The following AGPAT3 variants were observed in gnomAD, a reference collection of about 807,000 sequenced individuals.
AGPAT3 encodes the protein 1-acylglycerol-3-phosphate O-acyltransferase 3.
A neutral mutation model predicts 47.3 loss-of-function variants in AGPAT3; 5 were observed. The observed-to-expected ratio is 0.11, with a 90% CI of 0.06 to 0.22. The LOEUF (loss-of-function observed/expected upper bound fraction) is 0.22. Among genes scored for constraint, AGPAT3 ranks in the 10% least tolerant of loss-of-function variants. AGPAT3 has a pLI of 1.00. For missense variants in AGPAT3, 315 were observed against 493.0 expected (o/e 0.64, Z 3.42); for synonymous variants, 212 against 208.3 (o/e 1.02, Z -0.15).
At chr21:43,902,112 C>T (rs1044802173) in intron 1 of AGPAT3, among the ~76,000 whole-genome samples, 6 of 152,186 alleles carry the variant, frequency 3.9e-5, no homozygotes, top group African/African-American at 1.4e-4. Flanking sequence ...CCCCAATACA[C>T]ACCATCATCC....
intron 2 of AGPAT3, among the ~76,000 whole-genome samples, chr21:43,944,331 C>T (rs2087787408): frequency 6.6e-6 from 1 of 152,346 alleles, no homozygotes; most frequent in East Asian, 1.9e-4. Flanking sequence ...GGCCACACGT[C>T]CCTCCCCCGT....
chr21:43,967,204 A>T (rs554405805), intron 3 of AGPAT3: 20 of 152,396 alleles, frequency 1.3e-4, no homozygotes, highest in Admixed American at 5.2e-4. Flanking sequence ...TCAGCTCACC[A>T]GGCCGGAGCC....
chr21:43,885,391 C>CT lies in AGPAT3; in HGVS notation c.-111-18551dup, dbSNP rs113393341. 9.7e-3 allele frequency among the ~76,000 whole-genome samples: 1,350 copies of CT among 139,708 alleles called. 17 individuals carry two copies. The highest frequency in any genetic ancestry group is 0.027 in the African/African-American group (994 of 37,006). 91.7% of individuals were successfully genotyped at this position (139,708 alleles called of 152,430 possible). On this transcript the variant is annotated intron_variant, in intron 1 of 9. Transcript: ENST00000291572. ...TTATGATTGCCAGTTTTTCTTTTTT[C>CT]TTTTTTTTTTTTTTTGAGACAGAGT...
intron 2 of AGPAT3, chr21:43,919,798 A>C (rs2086846438): frequency 6.6e-6 from 1 of 152,208 alleles, no homozygotes; most frequent in Admixed American, 6.5e-5. Flanking sequence ...GCCAGCCAAA[A>C]ATGTGGAATG....
chr21:43,944,968 A>G lies in AGPAT3; in HGVS notation c.-48-14666A>G, dbSNP rs149041805. Among the ~76,000 whole-genome samples the G allele has an allele frequency of 2.0e-5, 3 of 152,320 alleles. No homozygotes were observed. The East Asian group carries it at 5.8e-4, about 29-fold the overall frequency. ...ATCACTGACTCAGCTCCGGCAGGCAAGGGTCCCTCGGGGTCTACCACTGGG... is the reference window on the plus strand; with the variant it reads ...ATCACTGACTCAGCTCCGGCAGGCAGGGGTCCCTCGGGGTCTACCACTGGG... On this transcript the variant is annotated intron_variant, in intron 2 of 9. Coordinates refer to ENST00000291572, the MANE Select transcript of AGPAT3 (RefSeq NM_020132.5).
intron 4 of AGPAT3, among the ~76,000 whole-genome samples, chr21:43,968,489 A>T (rs1242127599): frequency 7.3e-5 from 11 of 150,698 alleles, no homozygotes; most frequent in Admixed American, 7.2e-4. Context: ...CCAGCAGAGG[A>T]GCTGGGAGAG....
At position 43,985,450 on chromosome 21, in the gene AGPAT3, G is replaced by A; in HGVS notation, c.*3058G>A. 2 of 328,262 alleles carry A rather than the reference G, an allele frequency of 6.1e-6. No homozygotes were observed. Among genetic ancestry groups the A allele is most frequent in the South Asian group, 2.4e-5 (1 of 41,890 alleles). The allele number at this position is 328,262 out of a possible 1,614,324, so 20.3% of individuals were successfully genotyped here. On this transcript the variant is annotated 3_prime_UTR_variant, in exon 10 of 10. Transcript: ENST00000291572. ...GATGAATTTTGAGTCTCTCTGCCTT[G>A]CCTGTCCCGACTCCCTTTCGCGCAC...
At chr21:43,911,037 G>A (rs2086621366) in intron 2 of AGPAT3, among the ~76,000 whole-genome samples, 1 of 152,270 alleles carries the variant, frequency 6.6e-6, no homozygotes, top group Non-Finnish European at 1.5e-5. Flanking sequence ...ACCACTGTAA[G>A]CGGTTTGTGG....
chr21:43,987,300 C>G lies in AGPAT3; in HGVS notation c.*4908C>G, dbSNP rs1422298256. ...AGGCCATCCTGCCGATGGCACTTTT[C>G]AAGGCCCTCCCTTCCCTACGAGTTG... On this transcript the variant is annotated 3_prime_UTR_variant, in exon 10 of 10. Coordinates refer to ENST00000291572, the MANE Select transcript of AGPAT3 (RefSeq NM_020132.5). Among the ~76,000 whole-genome samples, 2 of 152,188 alleles carry G rather than the reference C, an allele frequency of 1.3e-5. No homozygotes were observed. The highest frequency in any genetic ancestry group is 4.8e-5 in the African/African-American group (2 of 41,442).
intron 3 of AGPAT3, among the ~76,000 whole-genome samples, chr21:43,960,343 A>T (rs1009572789): frequency 2.6e-5 from 4 of 152,194 alleles, no homozygotes; most frequent in African/African-American, 9.7e-5. Context: ...TATGTGTATT[A>T]TACATAGAGA....
At chr21:43,899,689 C>T (rs2086307919) in intron 1 of AGPAT3, among the ~76,000 whole-genome samples, 1 of 152,160 alleles carries the variant, frequency 6.6e-6, no homozygotes, top group Non-Finnish European at 1.5e-5. Flanking sequence ...CATCTGCTCC[C>T]CACCGCTGAG....
At chr21:43,958,376 T>A (rs1228560058) in intron 2 of AGPAT3, among the ~76,000 whole-genome samples, 1 of 150,248 alleles carries the variant, frequency 6.7e-6, no homozygotes, top group East Asian at 2.0e-4. Context: ...TGGTGTAGAG[T>A]ATGGGGCTGT....
intron 2 of AGPAT3, among the ~76,000 whole-genome samples, 176 bp downstream of exon 2, chr21:43,904,195 A>G (rs987434658): frequency 3.9e-5 from 6 of 152,212 alleles, no homozygotes; most frequent in Non-Finnish European, 7.3e-5. Context: ...CTTATGACCA[A>G]CAGAATATTT....
At chr21:43,865,796 C>T (rs1054263548) in intron 1 of AGPAT3, among the ~76,000 whole-genome samples, 22 of 152,068 alleles carry the variant, frequency 1.4e-4, no homozygotes, top group Non-Finnish European at 2.9e-4. Flanking sequence ...GTGGACAGGA[C>T]GCGCCCGCCG....
At chr21:43,877,050 G>A (rs1180499426) in intron 1 of AGPAT3, among the ~76,000 whole-genome samples, 1 of 152,108 alleles carries the variant, frequency 6.6e-6, no homozygotes, top group African/African-American at 2.4e-5. Context: ...GCAGAGATGG[G>A]ATTTGACCAT....
At position 43,982,095 on chromosome 21, in the gene AGPAT3, G is replaced by A. The variant is rs933456636; in HGVS notation, c.1043-209G>A. 6.6e-6 allele frequency among the ~76,000 whole-genome samples: 1 copy of A among 152,230 alleles called. No individual in the cohort carries two copies. The highest frequency in any genetic ancestry group is 1.5e-5 in the Non-Finnish European group (1 of 68,046). Reference sequence around the variant, plus strand: ...CTGCCTCGGACCCAGCCGGTCAGAAGACGTGCCCCTCACCCCTGCCTGAGC... The same window carrying A: ...CTGCCTCGGACCCAGCCGGTCAGAAAACGTGCCCCTCACCCCTGCCTGAGC... On this transcript the variant is annotated intron_variant, in intron 9 of 9. Transcript: ENST00000291572. The surrounding 1 kb of genome is among the most constrained non-coding windows in gnomAD (Gnocchi z 6.2).
rs957415417 is a variant in AGPAT3, at chr21:43,952,118, A to C, written c.-48-7516A>C. On this transcript the variant is annotated intron_variant, in intron 2 of 9. Coordinates refer to ENST00000291572, the MANE Select transcript of AGPAT3 (RefSeq NM_020132.5). The surrounding 1 kb of genome is among the most constrained non-coding windows in gnomAD (Gnocchi z 5.6). Reference sequence around the variant, plus strand: ...TCTCCAGAACTACGGACCTGGGATGAGGCGGCCTGTGAGTGCGATTGGGCT... The same window carrying C: ...TCTCCAGAACTACGGACCTGGGATGCGGCGGCCTGTGAGTGCGATTGGGCT... Among the ~76,000 whole-genome samples, 1 of 151,986 alleles carries C rather than the reference A, an allele frequency of 6.6e-6. No individual in the cohort carries two copies. The highest frequency in any genetic ancestry group is 1.5e-5 in the Non-Finnish European group (1 of 67,964).
chr21:43,921,791 TC>T (rs778090091), intron 2 of AGPAT3, among the ~76,000 whole-genome samples: 17 of 151,998 alleles, frequency 1.1e-4, no homozygotes, highest in Non-Finnish European at 2.4e-4. Context: ...TTCTCTGAGC[TC>T]TTTTTTTTTT....
rs533231466 is a variant in AGPAT3 at position 43,981,952 on chromosome 21, G to A, written c.1043-352G>A. On this transcript the variant is annotated intron_variant, in intron 9 of 9. Transcript: ENST00000291572. The surrounding 1 kb of genome is among the most constrained non-coding windows in gnomAD (Gnocchi z 5.3). ...CTGCTTACATCCGAGGGTCCTGCTCGTCCACCTCTGTCACCTGTTGGGTTT... is the reference window on the plus strand; with the variant it reads ...CTGCTTACATCCGAGGGTCCTGCTCATCCACCTCTGTCACCTGTTGGGTTT... 2.7e-4 allele frequency among the ~76,000 whole-genome samples: 41 copies of A among 152,320 alleles called. No individual in the cohort carries two copies. Among genetic ancestry groups the A allele is most frequent in the South Asian group, 8.3e-4 (4 of 4,822 alleles).
Sources: allele counts gnomAD v4.1 joint callset (sites outside exome capture counted in the v4.1 genomes callset), GRCh38; gene constraint gnomAD v4.1.1; non-coding constraint Gnocchi (gnomAD v3.1); transcripts MANE v1.5; gene names NCBI Gene and HGNC (gene_info 2026-07-23, HGNC 2026-07-21).